IQSEC1: variants seen among roughly 807,000 people sequenced by gnomAD.
The protein encoded by IQSEC1 is IQ motif and Sec7 domain ArfGEF 1, also known as IQ motif and SEC7 domain-containing protein 1.
IQSEC1 carries 31 observed loss-of-function variants against 91.0 expected under a neutral mutation model. That is an observed-to-expected ratio of 0.34 (90% CI 0.26 to 0.46). IQSEC1 has a LOEUF of 0.46. Ranked by LOEUF, IQSEC1 falls within the 20% of genes least tolerant of loss-of-function variation. The probability of loss-of-function intolerance (pLI) is 1.00; values close to 1 mark genes in which losing one functional copy is unlikely to be tolerated. For missense variants in IQSEC1, 1,388 were observed against 1,575.6 expected (o/e 0.88, Z 2.02); for synonymous variants, 699 against 662.6 (o/e 1.05, Z -0.84).
chr3:13,026,470 C>T (rs1312041211), intron 1 of IQSEC1, among the ~76,000 whole-genome samples: 2 of 152,244 alleles, frequency 1.3e-5, no homozygotes, highest in East Asian at 3.8e-4. Context: ...TTCCTTCACC[C>T]AGTCAACATT....
At position 13,120,685 on chromosome 3, in the gene IQSEC1, C is replaced by T. The variant is rs116293747; in HGVS notation, c.302+43419G>A. ...ATCTGGTGCACCAAGGGAGGAGGGC[C>T]GAGCAACGACGGGCTGGCCAGGTAG... On this transcript the variant is annotated intron_variant, in intron 2 of 15. Transcript: ENST00000648114. Among the ~76,000 whole-genome samples the T allele has an allele frequency of 6.5e-3, 987 of 152,236 alleles. 16 individuals carry two copies. The highest frequency in any genetic ancestry group is 0.022 in the African/African-American group (914 of 41,542).
intron 1 of IQSEC1, among the ~76,000 whole-genome samples, chr3:13,195,144 C>G (rs777133300): frequency 2.0e-5 from 3 of 152,124 alleles, no homozygotes; most frequent in Non-Finnish European, 4.4e-5. Flanking sequence ...CAAAATTGAA[C>G]AGTAAAACAC....
chr3:13,045,757 G>A (rs1261421974), intron 1 of IQSEC1, among the ~76,000 whole-genome samples: 1 of 152,228 alleles, frequency 6.6e-6, no homozygotes, highest in Non-Finnish European at 1.5e-5. Context: ...TGGGTGGGTG[G>A]TGCAGAGGCC....
intron 13 of IQSEC1, 71 bp from the exon 14 acceptor site, chr3:12,901,593 T>C: frequency 7.4e-7 from 1 of 1,342,506 alleles, no homozygotes; most frequent in African/African-American, 1.5e-5. Flanking sequence ...ATTTTTTTTT[T>C]TCAAATGTAA....
At chr3:12,950,556 C>A (rs760820115) in intron 1 of IQSEC1, among the ~76,000 whole-genome samples, 1 of 152,048 alleles carries the variant, frequency 6.6e-6, no homozygotes, top group Non-Finnish European at 1.5e-5. Context: ...TCTGTAGTCC[C>A]GGTGCTTTCG....
At chr3:13,085,813 CA>C (rs1705726427) in intron 2 of IQSEC1, among the ~76,000 whole-genome samples, 1 of 152,242 alleles carries the variant, frequency 6.6e-6, no homozygotes, top group Non-Finnish European at 1.5e-5. Flanking sequence ...GGTTATCGGC[CA>C]ATGCGAGGCT....
At chr3:13,019,734 G>GTGCCAATTATGGT (rs1262696413) in intron 1 of IQSEC1, among the ~76,000 whole-genome samples, 1 of 152,214 alleles carries the variant, frequency 6.6e-6, no homozygotes, top group Non-Finnish European at 1.5e-5. Flanking sequence ...GACAAACCCA[G>GTGCCAATTATGGT]TGCCAATTAT....
At chr3:12,919,869 C>T (rs1449288946) in intron 6 of IQSEC1, among the ~76,000 whole-genome samples, 3 of 152,162 alleles carry the variant, frequency 2.0e-5, no homozygotes, top group African/African-American at 7.2e-5. Context: ...AAGGATGCCT[C>T]GCTGCCTGTA....
intron 1 of IQSEC1, among the ~76,000 whole-genome samples, chr3:12,985,602 G>A (rs571428117): frequency 4.3e-4 from 65 of 152,332 alleles, no homozygotes; most frequent in African/African-American, 1.4e-3. Flanking sequence ...CTTCTGGAGG[G>A]AGGCAGCAGC....
intron 1 of IQSEC1, among the ~76,000 whole-genome samples, chr3:12,944,507 T>C (rs1057499533): frequency 2.6e-5 from 4 of 151,950 alleles, no homozygotes; most frequent in Non-Finnish European, 5.9e-5. Flanking sequence ...ACCTCCCTCC[T>C]GTCTGACCCC....
intron 1 of IQSEC1, among the ~76,000 whole-genome samples, chr3:13,058,747 G>A (rs543045806): frequency 6.6e-6 from 1 of 152,218 alleles, no homozygotes; most frequent in African/African-American, 2.4e-5. Context: ...TGGAAAGCTC[G>A]GTCTGAGTGT....
In IQSEC1 at chr3:12,984,557, G is replaced by C. The variant is rs1329016654; in HGVS notation, c.24-42692C>G. 2.0e-5 allele frequency among the ~76,000 whole-genome samples: 3 copies of C among 152,170 alleles called. No individual in the cohort carries two copies. In the East Asian group the frequency reaches 5.8e-4, roughly 29 times the overall value. ...ACCTGCCACCCTCCCAAGACCAACA[G>C]TGAATGCTGCTCCTCCTTTCAGGGG... On this transcript the variant is annotated intron_variant, in intron 1 of 13. Transcript: ENST00000613206.
intron 1 of IQSEC1, among the ~76,000 whole-genome samples, chr3:12,960,064 C>G (rs972174751): frequency 6.6e-6 from 1 of 152,162 alleles, no homozygotes; most frequent in South Asian, 2.1e-4. Context: ...CACTTCCTCT[C>G]CACCCTACCC....
At chr3:13,076,333 G>A (rs1169206387), upstream of IQSEC1, among the ~76,000 whole-genome samples, 4 of 152,184 alleles carry the variant, frequency 2.6e-5, no homozygotes, top group Non-Finnish European at 4.4e-5. Context: ...GTGGGAAGCC[G>A]CTTGGATCAG....
At chr3:13,064,206 C>T (rs763885120) in intron 1 of IQSEC1, among the ~76,000 whole-genome samples, 1 of 152,118 alleles carries the variant, frequency 6.6e-6, no homozygotes, top group Non-Finnish European at 1.5e-5. Context: ...CACACGCATG[C>T]ACACACATAC....
At chr3:13,004,323 G>A (rs1325361280) in intron 1 of IQSEC1, among the ~76,000 whole-genome samples, 2 of 152,208 alleles carry the variant, frequency 1.3e-5, no homozygotes, top group African/African-American at 4.8e-5. Context: ...GTGCCATCAT[G>A]TGCAAGGGTA....
chr3:12,931,913 A>C (rs1697710858), intron 3 of IQSEC1, among the ~76,000 whole-genome samples: 2 of 152,178 alleles, frequency 1.3e-5, no homozygotes, highest in South Asian at 4.1e-4. Flanking sequence ...CCACACTGTC[A>C]CACCAGGTGG....
At chr3:12,938,992 T>C (rs1418299727) in intron 2 of IQSEC1, among the ~76,000 whole-genome samples, 2 of 152,204 alleles carry the variant, frequency 1.3e-5, no homozygotes, top group Non-Finnish European at 2.9e-5. Flanking sequence ...GATGGAACTA[T>C]TGCCAGGCCC....
chr3:13,007,989 CCTT>C (rs1478420671), intron 1 of IQSEC1, among the ~76,000 whole-genome samples: 1 of 152,206 alleles, frequency 6.6e-6, no homozygotes, highest in Non-Finnish European at 1.5e-5. Flanking sequence ...GCAGCTCTGA[CCTT>C]CTAAGCCTGC....
Sources: allele counts gnomAD v4.1 joint callset (sites outside exome capture counted in the v4.1 genomes callset), GRCh38; gene constraint gnomAD v4.1.1; transcripts MANE v1.5; gene names NCBI Gene and HGNC (gene_info 2026-07-23, HGNC 2026-07-21).